The following KCNH5 variants were observed in gnomAD, a reference collection of about 807,000 sequenced individuals.
KCNH5 encodes potassium voltage-gated channel subfamily H member 5.
A neutral mutation model predicts 96.1 loss-of-function variants in KCNH5; 46 were observed. The observed-to-expected ratio is 0.48, with a 90% CI of 0.38 to 0.61. The LOEUF is 0.61. Among genes scored for constraint, KCNH5 ranks in the 20% least tolerant of loss-of-function variants. The pLI is 0.00. For synonymous variants in KCNH5, 439 were observed against 449.8 expected, an observed-to-expected ratio of 0.98 and a Z score of 0.30; for missense variants, 907 against 1,225.8, an observed-to-expected ratio of 0.74 and a Z score of 3.88.
At chr14:63,038,764 C>T (rs946050215) in intron 1 of KCNH5, among the ~76,000 whole-genome samples, 3 of 151,874 alleles carry the variant, frequency 2.0e-5, no homozygotes, top group East Asian at 1.9e-4. Context: ...AAATATATTT[C>T]AAGACTCAGC....
chr14:62,837,355 TA>T (rs1484917141), intron 8 of KCNH5, among the ~76,000 whole-genome samples: 2 of 152,216 alleles, frequency 1.3e-5, no homozygotes, highest in East Asian at 3.9e-4. Flanking sequence ...CATTTACTAT[TA>T]AATACTGAAA....
At chr14:62,908,165 A>T (rs1400220009) in intron 7 of KCNH5, among the ~76,000 whole-genome samples, 1 of 152,200 alleles carries the variant, frequency 6.6e-6, no homozygotes, top group Non-Finnish European at 1.5e-5. Flanking sequence ...AGGGGAAAAA[A>T]ACAGTTTGTT....
At chr14:62,953,661 A>G (rs1313249222) in intron 6 of KCNH5, among the ~76,000 whole-genome samples, 1 of 152,216 alleles carries the variant, frequency 6.6e-6, no homozygotes, top group East Asian at 1.9e-4. Context: ...CTGGTTATCA[A>G]GTCCTGAGGG....
rs371405826 is a variant in KCNH5, at chr14:62,999,239, G to A, written c.433+2092C>T. ...TAATGATTGCCATTCTAACTGGTGC[G>A]AGATGGTATCTCATTGTGGTTTTGA... is the stretch of plus-strand genomic sequence containing the variant. On this transcript the variant is annotated intron_variant, in intron 4 of 10. Coordinates refer to ENST00000322893, the MANE Select transcript of KCNH5 (RefSeq NM_139318.5). 1.1e-4 allele frequency among the ~76,000 whole-genome samples: 16 copies of A among 152,192 alleles called. No individual in the cohort carries two copies. The South Asian group carries it at 1.7e-3, about 16-fold the overall frequency.
At chr14:62,937,863 G>A (rs1468720522) in intron 7 of KCNH5, among the ~76,000 whole-genome samples, 1 of 152,034 alleles carries the variant, frequency 6.6e-6, no homozygotes, top group African/African-American at 2.4e-5. Context: ...TGGGGAGGAG[G>A]GTCTGCTATT....
chr14:62,896,695 A>C (rs1888820623), intron 7 of KCNH5, among the ~76,000 whole-genome samples: 1 of 152,150 alleles, frequency 6.6e-6, no homozygotes, highest in South Asian at 2.1e-4. Flanking sequence ...CCTGATCAGA[A>C]TTTAAAGATT....
chr14:63,035,528 T>A (rs1424246033), intron 1 of KCNH5, among the ~76,000 whole-genome samples: 1 of 152,244 alleles, frequency 6.6e-6, no homozygotes, highest in African/African-American at 2.4e-5. Context: ...AGGATGGTTA[T>A]AAGAAGAGGC....
At chr14:62,716,520 A>T (rs1272282206) in intron 10 of KCNH5, among the ~76,000 whole-genome samples, 2 of 152,100 alleles carry the variant, frequency 1.3e-5, no homozygotes, top group Non-Finnish European at 2.9e-5. Flanking sequence ...GAGTTCGAGC[A>T]TGTATTCATG....
At chr14:62,970,734 G>A (rs1028421328) in intron 6 of KCNH5, among the ~76,000 whole-genome samples, 6 of 152,058 alleles carry the variant, frequency 3.9e-5, no homozygotes, top group Non-Finnish European at 5.9e-5. Context: ...ACATCAACAA[G>A]CTAAAGGAAA....
rs1491457497 is a variant in KCNH5 at position 63,003,624 on chromosome 14, A to ATATATT, written c.305-2166_305-2165insAATATA. 1.4e-3 allele frequency among the ~76,000 whole-genome samples: 132 copies of ATATATT among 92,790 alleles called. 1 individual carries two copies. In the East Asian group the frequency reaches 0.029, roughly 20 times the overall value. 60.9% of individuals were successfully genotyped at this position (92,790 alleles called of 152,430 possible). On this transcript the variant is annotated intron_variant, in intron 3 of 10. Coordinates refer to ENST00000322893, the MANE Select transcript of KCNH5 (RefSeq NM_139318.5). ...TATTTATATTTATATATATATATAT[A>ATATATT]TTTTTTTTTTTTTGAGACGGAGTCT...
At chr14:63,000,829 T>A (rs1415891651) in intron 4 of KCNH5, among the ~76,000 whole-genome samples, 1 of 152,156 alleles carries the variant, frequency 6.6e-6, no homozygotes, top group Non-Finnish European at 1.5e-5. Flanking sequence ...ATCCCAGCAC[T>A]TTGGGAGGCC....
intron 6 of KCNH5, among the ~76,000 whole-genome samples, chr14:62,976,914 G>A (rs1394297793): frequency 2.0e-5 from 3 of 152,184 alleles, no homozygotes; most frequent in African/African-American, 7.2e-5. Context: ...GGGAGATTTA[G>A]ATAATTGTCA....
At chr14:63,015,966 A>G (rs1891319781) in intron 2 of KCNH5, among the ~76,000 whole-genome samples, 1 of 151,420 alleles carries the variant, frequency 6.6e-6, no homozygotes, top group Non-Finnish European at 1.5e-5. Flanking sequence ...CTCAGCATCA[A>G]TGGGTAGAAA....
intron 7 of KCNH5, among the ~76,000 whole-genome samples, chr14:62,919,606 C>T (rs1227484437): frequency 6.6e-6 from 1 of 151,992 alleles, no homozygotes; most frequent in South Asian, 2.1e-4. Flanking sequence ...GTAATAATAA[C>T]ACTTATCTAG....
intron 7 of KCNH5, among the ~76,000 whole-genome samples, chr14:62,870,772 C>T (rs774431204): frequency 9.2e-5 from 14 of 151,962 alleles, no homozygotes; most frequent in Non-Finnish European, 1.6e-4. Context: ...CTTTTATAAA[C>T]TCACTTAACC....
intron 8 of KCNH5, among the ~76,000 whole-genome samples, chr14:62,832,569 T>C (rs1242352069): frequency 2.6e-5 from 4 of 152,330 alleles, no homozygotes; most frequent in African/African-American, 4.8e-5. Context: ...AAAATGATCA[T>C]GGAAATATAA....
intron 6 of KCNH5, among the ~76,000 whole-genome samples, chr14:62,968,068 C>A (rs971806659): frequency 1.3e-5 from 2 of 152,152 alleles, no homozygotes; most frequent in Non-Finnish European, 2.9e-5. Flanking sequence ...AAAGAATGTT[C>A]CTGCAACATC....
At chr14:62,982,117 T>C (rs1890620083) in intron 5 of KCNH5, among the ~76,000 whole-genome samples, 1 of 152,094 alleles carries the variant, frequency 6.6e-6, no homozygotes. Flanking sequence ...GATCACGAGG[T>C]CAGGAGATCG....
intron 7 of KCNH5, among the ~76,000 whole-genome samples, chr14:62,857,337 T>C (rs188129728): frequency 2.6e-3 from 394 of 152,228 alleles, no homozygotes; most frequent in Admixed American, 4.6e-3. Context: ...AAACAAAGAA[T>C]CAAAGTATTC....
Sources: allele counts gnomAD v4.1 joint callset (sites outside exome capture counted in the v4.1 genomes callset), GRCh38; gene constraint gnomAD v4.1.1; transcripts MANE v1.5; gene names NCBI Gene and HGNC (gene_info 2026-07-23, HGNC 2026-07-21).